The following DPYD variants were observed in gnomAD, a reference collection of about 807,000 sequenced individuals.
The protein encoded by DPYD is dihydropyrimidine dehydrogenase.
Under a neutral mutation model 116.2 loss-of-function variants are expected in DPYD, and 109 were observed. That is an observed-to-expected ratio of 0.94 (90% confidence interval 0.80 to 1.10). DPYD has a LOEUF of 1.10. Ranked by LOEUF, DPYD falls within the 50% of genes least tolerant of loss-of-function variation. The pLI, the probability that DPYD is intolerant of heterozygous loss-of-function variation, is 0.00. For missense variants in DPYD, 1,302 were observed against 1,254.5 expected (o/e 1.04, Z -0.57); for synonymous variants, 440 against 432.0 (o/e 1.02, Z -0.23).
chr1:97,792,364 C>G (rs947553567), intron 3 of DPYD, among the ~76,000 whole-genome samples: 2 of 152,128 alleles, frequency 1.3e-5, no homozygotes, highest in Admixed American at 6.5e-5. Flanking sequence ...ACCTCCACCC[C>G]CCAGGTTCAA....
intron 1 of DPYD, among the ~76,000 whole-genome samples, chr1:97,892,408 T>C (rs1275530574): frequency 4.0e-5 from 6 of 151,822 alleles, no homozygotes; most frequent in Non-Finnish European, 8.8e-5. Flanking sequence ...TGTAGAGTGA[T>C]TTAATTAATA....
intron 20 of DPYD, among the ~76,000 whole-genome samples, chr1:97,136,026 C>A (rs1653763896): frequency 1.3e-5 from 2 of 152,130 alleles, no homozygotes; most frequent in Non-Finnish European, 2.9e-5. Flanking sequence ...GAAACCAAGG[C>A]CCGAGGAGTT....
At chr1:97,276,781 T>C (rs1252873681) in intron 18 of DPYD, among the ~76,000 whole-genome samples, 1 of 152,002 alleles carries the variant, frequency 6.6e-6, no homozygotes. Flanking sequence ...GTTCAGCCAC[T>C]GTGGAAAGCA....
Position 97,691,768 on chromosome 1 carries a change from C to T in DPYD, c.711G>A (p.Pro237=), listed in dbSNP as rs139863300. The change falls in exon 7 of 23, where the codon CCG becomes CCA. Residue 237 remains proline (P), a synonymous_variant. Transcript: ENST00000370192. ...CAATCTCAAAATTCACTACATCATA[C>T]GGCAGCCGGAACTGAGGAATTTCAG... The part of the protein sequence containing the change: ...STSEIPQFRL[P]YDVVNFEIEL... 68 of 1,613,334 alleles carry T rather than the reference C, an allele frequency of 4.2e-5. No homozygotes were observed. The East Asian group carries it at 9.4e-4, about 22-fold the overall frequency.
intron 1 of DPYD, among the ~76,000 whole-genome samples, chr1:97,894,093 G>A (rs960462850): frequency 6.6e-6 from 1 of 151,742 alleles, no homozygotes; most frequent in South Asian, 2.1e-4. Flanking sequence ...CAGTTAGAGA[G>A]GCTGGAAAGT....
chr1:97,325,680 A>G (rs1263534462), intron 16 of DPYD, among the ~76,000 whole-genome samples: 1 of 151,990 alleles, frequency 6.6e-6, no homozygotes, highest in Non-Finnish European at 1.5e-5. Flanking sequence ...GTGTGTGTGT[A>G]TGAGAGAGAT....
chr1:97,735,386 A>G (rs1034061275), intron 4 of DPYD, among the ~76,000 whole-genome samples: 1 of 152,016 alleles, frequency 6.6e-6, no homozygotes. Flanking sequence ...GTTTTAAGAA[A>G]TAAAAGGCGG....
intron 3 of DPYD, among the ~76,000 whole-genome samples, chr1:97,825,621 T>C (rs1212887473): frequency 9.2e-5 from 2 of 21,654 alleles, no homozygotes; most frequent in Admixed American, 1.8e-3. Context: ...GGGCCTGTCA[T>C]GGGGTGGGGG....
At chr1:97,563,480 C>A (rs755917559) in intron 11 of DPYD, among the ~76,000 whole-genome samples, 1 of 152,184 alleles carries the variant, frequency 6.6e-6, no homozygotes, top group Non-Finnish European at 1.5e-5. Flanking sequence ...TTTCTACCTT[C>A]TTTCCCTAAC....
intron 14 of DPYD, among the ~76,000 whole-genome samples, chr1:97,389,078 C>T (rs777254371): frequency 1.3e-5 from 2 of 151,862 alleles, no homozygotes; most frequent in Non-Finnish European, 2.9e-5. Context: ...GGTGTAAGGT[C>T]TCTTACTGAG....
intron 3 of DPYD, among the ~76,000 whole-genome samples, chr1:97,781,441 G>C (rs1666740025): frequency 6.6e-6 from 1 of 152,056 alleles, no homozygotes; most frequent in Non-Finnish European, 1.5e-5. Context: ...TGCATCCATT[G>C]AGCACCTACT....
At chr1:97,680,433 T>C (rs530221975) in intron 7 of DPYD, among the ~76,000 whole-genome samples, 11 of 152,218 alleles carry the variant, frequency 7.2e-5, no homozygotes, top group African/African-American at 2.6e-4. Flanking sequence ...TAGTCCTGAT[T>C]GCAGTTTCTG....
At chr1:97,142,341 T>C (rs897096919) in intron 20 of DPYD, among the ~76,000 whole-genome samples, 1 of 152,154 alleles carries the variant, frequency 6.6e-6, no homozygotes, top group East Asian at 1.9e-4. Context: ...AAATATATTT[T>C]ATAGAAAACT....
chr1:97,318,726 C>T (rs199744957), intron 16 of DPYD, among the ~76,000 whole-genome samples: 33 of 147,924 alleles, frequency 2.2e-4, no homozygotes, highest in African/African-American at 5.5e-4. Flanking sequence ...CTGCACCAAG[C>T]GGACCTAATA....
At chr1:97,517,958 G>A (rs1258669569) in intron 12 of DPYD, among the ~76,000 whole-genome samples, 1 of 151,942 alleles carries the variant, frequency 6.6e-6, no homozygotes, top group East Asian at 1.9e-4. Context: ...CATAATTGTA[G>A]CTATATATGG....
chr1:97,904,543 A>G (rs572138540), intron 1 of DPYD, among the ~76,000 whole-genome samples: 3 of 151,988 alleles, frequency 2.0e-5, no homozygotes, highest in Non-Finnish European at 4.4e-5. Flanking sequence ...CACCAAAGAC[A>G]GCTTTAGACC....
At chr1:97,484,793 CTTTGA>C (rs1456831084) in intron 13 of DPYD, among the ~76,000 whole-genome samples, 1 of 152,144 alleles carries the variant, frequency 6.6e-6, no homozygotes, top group African/African-American at 2.4e-5. Context: ...AATATTTCTT[CTTTGA>C]TTTGTCAATT....
intron 15 of DPYD, among the ~76,000 whole-genome samples, chr1:97,377,367 C>A (rs1169929222): frequency 6.6e-6 from 1 of 152,120 alleles, no homozygotes; most frequent in Non-Finnish European, 1.5e-5. Context: ...TGTATACTAT[C>A]TATCTAAATA....
intron 11 of DPYD, 140 bp from the exon 12 acceptor site, chr1:97,549,884 GA>G (rs1340967869): frequency 2.4e-6 from 2 of 816,998 alleles, no homozygotes; most frequent in Non-Finnish European, 3.8e-6. Flanking sequence ...CTATAAAAAT[GA>G]AAAGCTAACG....
Sources: gnomAD v4.1 joint callset for allele counts (sites outside exome capture counted in the v4.1 genomes callset) on GRCh38, gnomAD v4.1.1 for gene constraint, MANE v1.5 for transcripts, NCBI Gene and HGNC (gene_info 2026-07-23, HGNC 2026-07-21) for gene names.